The following FRMD3 variants were observed in gnomAD, a reference collection of about 807,000 sequenced individuals.
FRMD3 encodes FERM domain containing 3, also known as FERM domain-containing protein 3.
FRMD3 carries 33 observed loss-of-function variants against 70.2 expected under a neutral mutation model. The observed-to-expected ratio is 0.47, with a 90% confidence interval of 0.36 to 0.63. FRMD3 has a LOEUF of 0.63. FRMD3 is among the 20% of genes least tolerant of loss of function. FRMD3 has a pLI of 0.00. For missense variants in FRMD3, 632 were observed against 711.4 expected (o/e 0.89, Z 1.27); for synonymous variants, 279 against 255.9 (o/e 1.09, Z -0.86).
chr9:83,567,870 T>C, the FRMD3 span, among the ~76,000 whole-genome samples: 7 of 152,212 alleles, frequency 4.6e-5, no homozygotes, highest in Admixed American at 1.3e-4. Flanking sequence ...TCCCACATTT[T>C]CCTGTCTTCT....
chr9:83,403,213 A>G (rs554939414), intron 1 of FRMD3, among the ~76,000 whole-genome samples: 2 of 152,026 alleles, frequency 1.3e-5, no homozygotes, highest in Admixed American at 6.6e-5. Flanking sequence ...AAGACTCTCA[A>G]TTGTCAAAAA....
At chr9:83,449,829 G>C (rs1404067967) in intron 1 of FRMD3, among the ~76,000 whole-genome samples, 1 of 152,200 alleles carries the variant, frequency 6.6e-6, no homozygotes, top group African/African-American at 2.4e-5. Context: ...AGTATGTTAA[G>C]ATTGGAAACT....
intron 1 of FRMD3, among the ~76,000 whole-genome samples, chr9:83,507,704 A>C (rs1196422065): frequency 2.6e-5 from 2 of 75,676 alleles, no homozygotes; most frequent in Non-Finnish European, 5.0e-5. Flanking sequence ...ATATATATAT[A>C]TATATATATA....
At chr9:83,265,210 C>T (rs1833189201) in intron 13 of FRMD3, among the ~76,000 whole-genome samples, 1 of 151,844 alleles carries the variant, frequency 6.6e-6, no homozygotes, top group Non-Finnish European at 1.5e-5. Flanking sequence ...ATCATCCTGG[C>T]TAACACGGTG....
intron 2 of FRMD3, among the ~76,000 whole-genome samples, chr9:83,383,987 T>G (rs972104495): frequency 6.6e-6 from 1 of 152,210 alleles, no homozygotes; most frequent in African/African-American, 2.4e-5. Context: ...TTTCCCCAAA[T>G]GCATCAGTGT....
chr9:83,534,558 A>T (rs181192129), intron 1 of FRMD3, among the ~76,000 whole-genome samples: 16 of 152,332 alleles, frequency 1.1e-4, no homozygotes, highest in Admixed American at 3.9e-4. Context: ...GAAGAGGCAC[A>T]AAACACATGC....
intron 1 of FRMD3, among the ~76,000 whole-genome samples, chr9:83,410,958 C>T (rs1210801573): frequency 6.6e-6 from 1 of 152,156 alleles, no homozygotes. Context: ...ATCCCTGTAC[C>T]TCAGAGGCAA....
At chr9:83,354,525 T>C (rs900622036) in intron 3 of FRMD3, among the ~76,000 whole-genome samples, 5 of 152,152 alleles carry the variant, frequency 3.3e-5, no homozygotes, top group Admixed American at 2.6e-4. Flanking sequence ...AGGGGGCAAG[T>C]GTTGAACAAC....
chr9:83,345,523 C>T (rs1288680316), intron 4 of FRMD3, among the ~76,000 whole-genome samples: 2 of 151,998 alleles, frequency 1.3e-5, no homozygotes, highest in African/African-American at 4.8e-5. Flanking sequence ...TTTGGGAGGC[C>T]GAGTTGGGTG....
At chr9:83,434,956 A>G (rs956983929) in intron 1 of FRMD3, among the ~76,000 whole-genome samples, 7 of 150,626 alleles carry the variant, frequency 4.6e-5, no homozygotes, top group African/African-American at 1.7e-4. Flanking sequence ...CCTCCTGAGT[A>G]GCTGACCACA....
chr9:83,534,931 C>T (rs1309789212), intron 1 of FRMD3, among the ~76,000 whole-genome samples: 1 of 152,172 alleles, frequency 6.6e-6, no homozygotes, highest in Non-Finnish European at 1.5e-5. Context: ...TTTAAATTCC[C>T]CTACCTTGGA....
intron 1 of FRMD3, among the ~76,000 whole-genome samples, chr9:83,460,771 T>G (rs918443471): frequency 6.6e-6 from 1 of 152,186 alleles, no homozygotes; most frequent in East Asian, 1.9e-4. Flanking sequence ...ATGGGTAACT[T>G]TATTAGATTT....
chr9:83,311,440 C>T (rs533929810), intron 8 of FRMD3, among the ~76,000 whole-genome samples: 15 of 152,284 alleles, frequency 9.9e-5, no homozygotes, highest in African/African-American at 3.1e-4. Context: ...TTCCTACTAC[C>T]TTTTGCCAAA....
intron 6 of FRMD3, among the ~76,000 whole-genome samples, chr9:83,326,710 A>G (rs1216586269): frequency 6.6e-6 from 1 of 152,210 alleles, no homozygotes; most frequent in Non-Finnish European, 1.5e-5. Context: ...AATGGAAAAT[A>G]ATGATTTTCT....
intron 2 of FRMD3, among the ~76,000 whole-genome samples, chr9:83,387,312 T>C (rs1266804975): frequency 6.6e-6 from 1 of 152,216 alleles, no homozygotes; most frequent in African/African-American, 2.4e-5. Flanking sequence ...GATGGACTCA[T>C]GGATATTTAT....
rs1333396854 is a variant in FRMD3, at chr9:83,537,528, C to G, written c.147+557G>C. On this transcript the variant is annotated intron_variant, in intron 1 of 13. Transcript: ENST00000304195. This position sits in a 1 kb window ranked among gnomAD's most constrained non-coding sequence, Gnocchi z 4.1. ...GGCCTCTCTCACTCTGGGGAAACTTCGCCACCGCCCCACGCGGAGAACTAA... is the reference window on the plus strand; with the variant it reads ...GGCCTCTCTCACTCTGGGGAAACTTGGCCACCGCCCCACGCGGAGAACTAA... 2.6e-5 allele frequency among the ~76,000 whole-genome samples: 4 copies of G among 152,222 alleles called. No homozygotes were observed. The highest frequency in any genetic ancestry group is 9.6e-5 in the African/African-American group (4 of 41,458).
At chr9:83,282,942 C>CA (rs1376221554) in intron 13 of FRMD3, among the ~76,000 whole-genome samples, 1 of 152,060 alleles carries the variant, frequency 6.6e-6, no homozygotes, top group South Asian at 2.1e-4. Flanking sequence ...AGCTTCCTTA[C>CA]AACACAGTAA....
chr9:83,362,796 C>CTTT lies in FRMD3; in HGVS notation c.295+10116_295+10117insAAA, dbSNP rs1368263762. On this transcript the variant is annotated intron_variant, in intron 3 of 13. Transcript: ENST00000304195. ...CCTTCCTTATTTCCTTCCCTCCTTC[C>CTTT]TTCCTTTTTCCTTCCTTCCCTCCCT... Among the ~76,000 whole-genome samples, 161 of 133,210 alleles carry CTTT rather than the reference C, an allele frequency of 1.2e-3. 3 individuals are homozygous for CTTT. Among genetic ancestry groups the CTTT allele is most frequent in the Middle Eastern group, 3.8e-3 (1 of 262 alleles). The allele number at this position is 133,210 out of a possible 152,430, so 87.4% of individuals were successfully genotyped here.
At chr9:83,394,709 C>T (rs567197278) in intron 1 of FRMD3, among the ~76,000 whole-genome samples, 12 of 152,150 alleles carry the variant, frequency 7.9e-5, no homozygotes, top group South Asian at 2.1e-4. Context: ...TCTCACAGAA[C>T]GGGTTGGATT....
Sources: allele counts gnomAD v4.1 joint callset (sites outside exome capture counted in the v4.1 genomes callset), GRCh38; gene constraint gnomAD v4.1.1; non-coding constraint Gnocchi (gnomAD v3.1); transcripts MANE v1.5; gene names NCBI Gene and HGNC (gene_info 2026-07-23, HGNC 2026-07-21).